The following PTPRD variants were observed in gnomAD, a reference collection of about 807,000 sequenced individuals.
The protein encoded by PTPRD is receptor-type tyrosine-protein phosphatase delta.
A neutral mutation model predicts 214.5 loss-of-function variants in PTPRD; 34 were observed. That is an observed-to-expected ratio of 0.16 (90% CI 0.12 to 0.21). The LOEUF is 0.21. Ranked by LOEUF, PTPRD falls within the 10% of genes least tolerant of loss-of-function variation. PTPRD has a pLI of 1.00. For synonymous variants in PTPRD, 1,128 were observed against 845.7 expected (o/e 1.33, Z -5.79); for missense variants, 2,545 against 2,398.7 (o/e 1.06, Z -1.27).
At chr9:9,416,577 C>T (rs1010566446) in intron 8 of PTPRD, among the ~76,000 whole-genome samples, 6 of 150,604 alleles carry the variant, frequency 4.0e-5, no homozygotes, top group African/African-American at 1.5e-4. Flanking sequence ...CTGGTTTCCT[C>T]TCTAATGTTA....
intron 11 of PTPRD, among the ~76,000 whole-genome samples, chr9:8,845,754 C>A (rs1160468876): frequency 6.6e-6 from 1 of 152,190 alleles, no homozygotes; most frequent in Non-Finnish European, 1.5e-5. Flanking sequence ...GTGTGCTTCA[C>A]CAGGCACATT....
intron 5 of PTPRD, among the ~76,000 whole-genome samples, chr9:9,911,387 A>C (rs2079137729): frequency 6.6e-6 from 1 of 152,114 alleles, no homozygotes; most frequent in Non-Finnish European, 1.5e-5. Context: ...TGTGCATGAA[A>C]ATGAACATTA....
At chr9:10,343,100 T>C (rs1051300801) in intron 2 of PTPRD, among the ~76,000 whole-genome samples, 1 of 152,108 alleles carries the variant, frequency 6.6e-6, no homozygotes, top group Admixed American at 6.6e-5. Context: ...TTACATTAGG[T>C]ATTTCTCCTA....
chr9:8,680,216 G>C (rs531800658), intron 12 of PTPRD, among the ~76,000 whole-genome samples: 2 of 152,040 alleles, frequency 1.3e-5, no homozygotes, highest in African/African-American at 4.8e-5. Context: ...TCTAAAAGCC[G>C]TATGTAAGAA....
intron 39 of PTPRD, among the ~76,000 whole-genome samples, chr9:8,343,203 A>G (rs145942292): frequency 6.6e-6 from 1 of 152,206 alleles, no homozygotes; most frequent in East Asian, 1.9e-4. Flanking sequence ...AGTGTATATC[A>G]AAGCTAGCTT....
At chr9:10,582,280 GT>G (rs1223748730) in intron 2 of PTPRD, among the ~76,000 whole-genome samples, 2 of 152,084 alleles carry the variant, frequency 1.3e-5, no homozygotes, top group Admixed American at 6.5e-5. Flanking sequence ...ACCGGACCTT[GT>G]TTTTTCATAC....
chr9:9,217,267 G>C (rs964672825), intron 9 of PTPRD, among the ~76,000 whole-genome samples: 1 of 151,974 alleles, frequency 6.6e-6, no homozygotes, highest in Non-Finnish European at 1.5e-5. Context: ...ACTTTATAAG[G>C]GTCTTGTATA....
chr9:8,911,463 G>C (rs1467243443), intron 11 of PTPRD, among the ~76,000 whole-genome samples: 5 of 151,558 alleles, frequency 3.3e-5, no homozygotes, highest in African/African-American at 1.2e-4. Context: ...GAGACAAAGA[G>C]AGAATGAATG....
intron 37 of PTPRD, among the ~76,000 whole-genome samples, chr9:8,388,172 T>C (rs1208633939): frequency 6.6e-6 from 1 of 152,184 alleles, no homozygotes; most frequent in African/African-American, 2.4e-5. Context: ...TCTGAGCTTT[T>C]CCCTTATAAA....
chr9:8,357,840 C>A (rs1365538428), intron 39 of PTPRD, among the ~76,000 whole-genome samples: 1 of 152,134 alleles, frequency 6.6e-6, no homozygotes, highest in East Asian at 1.9e-4. Context: ...AAGCCCCACA[C>A]TCAACATTTA....
chr9:10,131,920 T>A (rs1246748061), intron 3 of PTPRD, among the ~76,000 whole-genome samples: 1 of 152,136 alleles, frequency 6.6e-6, no homozygotes, highest in Non-Finnish European at 1.5e-5. Context: ...GCTCAAACAA[T>A]ATAGCACCTT....
chr9:8,372,856 C>T (rs369438733), intron 39 of PTPRD, among the ~76,000 whole-genome samples: 76 of 151,988 alleles, frequency 5.0e-4, no homozygotes, highest in East Asian at 4.1e-3. Context: ...TGTACTGCAC[C>T]GCCAGCCTGA....
Position 8,531,700 on chromosome 9 carries a change from A to G in PTPRD, c.353-2921T>C, listed in dbSNP as rs545452412. 6.9e-4 allele frequency among the ~76,000 whole-genome samples: 105 copies of G among 152,214 alleles called. 1 individual carries two copies. The South Asian group carries it at 0.022, about 31-fold the overall frequency. ...GTACTAGTTACATTTGCCTGCATAA[A>G]TACTGCTCTGCTAGTCATTACTTTT... is the stretch of plus-strand genomic sequence containing the variant. On this transcript the variant is annotated intron_variant, in intron 14 of 45. Transcript: ENST00000381196.
chr9:8,591,260 G>T (rs2094082758), intron 14 of PTPRD, among the ~76,000 whole-genome samples: 2 of 152,098 alleles, frequency 1.3e-5, no homozygotes, highest in Non-Finnish European at 2.9e-5. Flanking sequence ...TCATCACAAG[G>T]TTCCAAAGAA....
intron 2 of PTPRD, among the ~76,000 whole-genome samples, chr9:10,373,098 G>A (rs2097661322): frequency 6.7e-6 from 1 of 149,852 alleles, no homozygotes; most frequent in Non-Finnish European, 1.5e-5. Flanking sequence ...CTCCCAAAGT[G>A]CTAGGATTAC....
intron 7 of PTPRD, among the ~76,000 whole-genome samples, chr9:9,644,177 C>A (rs144408430): frequency 6.6e-6 from 1 of 152,252 alleles, no homozygotes; most frequent in African/African-American, 2.4e-5. Flanking sequence ...GTGACAGTAG[C>A]AGCAAGTATG....
At chr9:10,337,465 T>C (rs148953852) in intron 3 of PTPRD, among the ~76,000 whole-genome samples, 1 of 151,832 alleles carries the variant, frequency 6.6e-6, no homozygotes, top group African/African-American at 2.4e-5. Context: ...AAAACAGAGA[T>C]AGTATAGTTT....
intron 7 of PTPRD, among the ~76,000 whole-genome samples, chr9:9,680,609 T>A (rs892279689): frequency 6.6e-6 from 1 of 151,754 alleles, no homozygotes; most frequent in African/African-American, 2.4e-5. Flanking sequence ...TGGAAAGAAC[T>A]ATTGAGAATA....
chr9:9,874,551 A>G (rs920383237), intron 5 of PTPRD, among the ~76,000 whole-genome samples: 1 of 152,192 alleles, frequency 6.6e-6, no homozygotes, highest in African/African-American at 2.4e-5. Context: ...AGATTTAGCA[A>G]AATGTATTTG....
Sources: gnomAD v4.1 joint callset for allele counts (sites outside exome capture counted in the v4.1 genomes callset) on GRCh38, gnomAD v4.1.1 for gene constraint, MANE v1.5 for transcripts, NCBI Gene and HGNC (gene_info 2026-07-23, HGNC 2026-07-21) for gene names.